Variants in PARP15 observed in about 807,000 individuals in gnomAD.
The protein encoded by PARP15 is protein mono-ADP-ribosyltransferase PARP15.
Under a neutral mutation model 62.1 loss-of-function variants are expected in PARP15, and 50 were observed. That is an observed-to-expected ratio of 0.81 (90% CI 0.64 to 1.02). PARP15 has a LOEUF of 1.02. Among genes scored for constraint, PARP15 ranks in the 50% least tolerant of loss-of-function variants. The pLI is 0.00. For missense variants in PARP15, 820 were observed against 826.5 expected, an observed-to-expected ratio of 0.99 and a Z score of 0.10; for synonymous variants, 309 against 293.1, an observed-to-expected ratio of 1.05 and a Z score of -0.55.
At chr3:122,616,014 A>G (rs534450802) in intron 5 of PARP15, among the ~76,000 whole-genome samples, 157 bp downstream of exon 5, 12 of 152,388 alleles carry the variant, frequency 7.9e-5, no homozygotes, top group African/African-American at 2.9e-4. Flanking sequence ...CTGGGCACAC[A>G]AAGAAGCAAT....
At chr3:122,624,688 C>T (rs1175946635) in intron 8 of PARP15, among the ~76,000 whole-genome samples, 1 of 152,134 alleles carries the variant, frequency 6.6e-6, no homozygotes, top group Non-Finnish European at 1.5e-5. Flanking sequence ...CTCATACTTC[C>T]CCTTGCACTG....
At position 122,636,290 on chromosome 3, in the gene PARP15, G is replaced by T; in HGVS notation, c.*190G>T. The T allele has an allele frequency of 1.7e-6, 1 of 581,144 alleles. No individual in the cohort carries two copies. The highest frequency in any genetic ancestry group is 3.0e-6 in the Non-Finnish European group (1 of 332,350). The allele number at this position is 581,144 out of a possible 1,614,324, so 36.0% of individuals were successfully genotyped here. On this transcript the variant is annotated 3_prime_UTR_variant, in exon 12 of 12. Transcript: ENST00000464300. The stretch of plus-strand genomic sequence containing the variant: ...ACCTTTTTTTCTCAGCAAATTGATG[G>T]GTGGAAGCTGAGAAATGTATGGTAA...
intron 1 of PARP15, among the ~76,000 whole-genome samples, chr3:122,601,971 C>T (rs1460880261): frequency 6.6e-6 from 1 of 151,664 alleles, no homozygotes; most frequent in Non-Finnish European, 1.5e-5. Flanking sequence ...GACTATATTA[C>T]TGTTAATTTG....
chr3:122,584,574 C>CTT (rs1295988177), intron 1 of PARP15, among the ~76,000 whole-genome samples: 4 of 136,644 alleles, frequency 2.9e-5, no homozygotes, highest in Non-Finnish European at 4.6e-5. Context: ...CATTTCTTTC[C>CTT]TTTTTTTTTT....
At chr3:122,632,264 A>C in intron 10 of PARP15, 45 bp downstream of exon 10, 3 of 1,564,940 alleles carry the variant, frequency 1.9e-6, no homozygotes, top group Non-Finnish European at 2.6e-6. Flanking sequence ...TTGATGAACT[A>C]ACATAAAAGC....
chr3:122,593,876 AAG>A (rs1934141106), intron 1 of PARP15, among the ~76,000 whole-genome samples: 1 of 152,222 alleles, frequency 6.6e-6, no homozygotes, highest in African/African-American at 2.4e-5. Flanking sequence ...AACACTCAGT[AAG>A]AGAGAATTGT....
chr3:122,585,886 G>A (rs145553486), intron 1 of PARP15, among the ~76,000 whole-genome samples: 3 of 152,224 alleles, frequency 2.0e-5, no homozygotes, highest in Non-Finnish European at 4.4e-5. Flanking sequence ...AGTAACTGCT[G>A]TTTTGCAAAT....
intron 1 of PARP15, among the ~76,000 whole-genome samples, chr3:122,589,657 T>C (rs948629935): frequency 4.6e-5 from 7 of 152,204 alleles, no homozygotes; most frequent in Non-Finnish European, 7.4e-5. Flanking sequence ...AATGTCCTTA[T>C]TGGCCATTTG....
chr3:122,578,943 T>G (rs2080741912), intron 1 of PARP15, among the ~76,000 whole-genome samples: 1 of 152,232 alleles, frequency 6.6e-6, no homozygotes, highest in African/African-American at 2.4e-5. Flanking sequence ...TAGATACTGG[T>G]ACTTCATATC....
At chr3:122,596,090 G>A (rs1449622425) in intron 1 of PARP15, among the ~76,000 whole-genome samples, 1 of 151,846 alleles carries the variant, frequency 6.6e-6, no homozygotes, top group African/African-American at 2.4e-5. Context: ...TGGGTGCGGT[G>A]GCTCACTCCT....
chr3:122,598,302 T>A (rs34312758), intron 1 of PARP15, among the ~76,000 whole-genome samples: 12,828 of 152,290 alleles, frequency 0.084, 549 homozygotes, highest in Non-Finnish European at 0.1. Context: ...ATTTATTATC[T>A]CACACTTTCT....
At chr3:122,634,511 G>T (rs925407090) in intron 10 of PARP15, among the ~76,000 whole-genome samples, 4 of 152,186 alleles carry the variant, frequency 2.6e-5, no homozygotes, top group African/African-American at 9.7e-5. Context: ...GGTTTGAAAT[G>T]CTATTCAGAG....
At chr3:122,595,439 A>T (rs1423968441) in intron 1 of PARP15, among the ~76,000 whole-genome samples, 1 of 151,964 alleles carries the variant, frequency 6.6e-6, no homozygotes, top group Non-Finnish European at 1.5e-5. Context: ...CTTTTACTCG[A>T]TCTCTTAGCA....
intron 7 of PARP15, 125 bp from the exon 8 acceptor site, chr3:122,621,319 C>A: frequency 9.7e-7 from 1 of 1,032,852 alleles, no homozygotes; most frequent in Non-Finnish European, 1.4e-6. Flanking sequence ...ATGAAACCAA[C>A]AAGCTCGAGT....
In PARP15 at chr3:122,620,709, C is replaced by T. The variant is rs572681726; in HGVS notation, c.1064-735C>T. Among the ~76,000 whole-genome samples the T allele has an allele frequency of 4.2e-5, 6 of 141,530 alleles. No individual in the cohort carries two copies. In the East Asian group the frequency reaches 1.2e-3, roughly 29 times the overall value. 92.8% of individuals were successfully genotyped at this position (141,530 alleles called of 152,430 possible). ...AGGTGGGCTGGACAAGCTGGAAAAGCCTGAGGAGGCTGCCTGGGAGGGGAG... is the reference window on the plus strand; with the variant it reads ...AGGTGGGCTGGACAAGCTGGAAAAGTCTGAGGAGGCTGCCTGGGAGGGGAG... On this transcript the variant is annotated intron_variant, in intron 7 of 11. Transcript: ENST00000464300.
chr3:122,621,601 C>A lies in PARP15; in HGVS notation c.1221C>A (p.Ala407=). The A allele has an allele frequency of 1.3e-6, 2 of 1,592,610 alleles. No homozygotes were observed. Among genetic ancestry groups the A allele is most frequent in the South Asian group, 2.3e-5 (2 of 86,340 alleles). Residue 407 remains alanine, a synonymous_variant, in exon 8 of 12, where the codon GCC becomes GCA. Transcript: ENST00000464300. Reference sequence around the variant, plus strand: ...AGTACACATCGGTTTCCCTTCCAGCCATTGGAACAGGTTTGCAGCTTATCA... The same window carrying A: ...AGTACACATCGGTTTCCCTTCCAGCAATTGGAACAGGTTTGCAGCTTATCA... The part of the protein sequence containing the change: ...QRKYTSVSLP[A]IGTGNAGKNP...
intron 8 of PARP15, among the ~76,000 whole-genome samples, chr3:122,624,460 G>T (rs1030758306): frequency 6.6e-6 from 1 of 152,074 alleles, no homozygotes; most frequent in African/African-American, 2.4e-5. Flanking sequence ...TGGGAGGGTT[G>T]GTCTTCATAC....
intron 3 of PARP15, among the ~76,000 whole-genome samples, chr3:122,612,159 G>A (rs1266495437): frequency 6.7e-6 from 1 of 150,084 alleles, no homozygotes; most frequent in African/African-American, 2.5e-5. Context: ...GGGCTCAGGT[G>A]ATCCTCCTAC....
At chr3:122,613,907 G>A (rs966597645) in intron 4 of PARP15, among the ~76,000 whole-genome samples, 2 of 145,494 alleles carry the variant, frequency 1.4e-5, no homozygotes, top group Non-Finnish European at 3.0e-5. Context: ...CTGCAGCGGC[G>A]TGATCTCAGC....
Sources: allele counts gnomAD v4.1 joint callset (sites outside exome capture counted in the v4.1 genomes callset), GRCh38; gene constraint gnomAD v4.1.1; transcripts MANE v1.5; gene names NCBI Gene and HGNC (gene_info 2026-07-23, HGNC 2026-07-21).